RPL3L: variants seen among roughly 807,000 people sequenced by gnomAD.
RPL3L encodes the protein ribosomal protein uL3-like.
A neutral mutation model predicts 44.5 loss-of-function variants in RPL3L; 44 were observed. That is an observed-to-expected ratio of 0.99 (90% CI 0.78 to 1.27). The LOEUF (loss-of-function observed/expected upper bound fraction) is 1.27. Among genes scored for constraint, RPL3L ranks in the 50% most tolerant of loss-of-function variants. The pLI, the probability that RPL3L is intolerant of heterozygous loss-of-function variation, is 0.00. For missense variants in RPL3L, 631 were observed against 569.1 expected, an observed-to-expected ratio of 1.11 and a Z score of -1.11; for synonymous variants, 292 against 230.7, an observed-to-expected ratio of 1.27 and a Z score of -2.41.
At chr16:1,953,891 T>G in intron 2 of RPL3L, 65 bp downstream of exon 2, 1 of 1,401,108 alleles carries the variant, frequency 7.1e-7, no homozygotes, top group Non-Finnish European at 9.4e-7. Context: ...AAGCGTGAGT[T>G]CTGGCTCCGA....
rs769040011 is a variant in RPL3L at position 1,952,940 on chromosome 16, C to CGGAG, written c.295_298dup (p.Arg100ProfsTer14). On this transcript the variant is annotated frameshift_variant, in exon 3 of 10. Transcript: ENST00000268661. LOFTEE classifies it high-confidence loss of function. ...TTCTGCAAAGATGGTCTTGAAGCTC[C>CGGAG]GGAGACCTCGAGGGGTGGCCACGTA... The CGGAG allele has an allele frequency of 6.2e-7, 1 of 1,613,984 alleles. No individual in the cohort carries two copies. The highest frequency in any genetic ancestry group is 1.1e-5 in the South Asian group (1 of 91,074).
chr16:1,954,645 T>G lies in RPL3L; in HGVS notation c.-14A>C. The G allele has an allele frequency of 1.3e-6, 2 of 1,534,076 alleles. No individual in the cohort carries two copies. Among genetic ancestry groups the G allele is most frequent in the Non-Finnish European group, 1.8e-6 (2 of 1,138,758 alleles). The stretch of plus-strand genomic sequence containing the variant: ...CCCACCAACCATGGTGGCCGATCCC[T>G]GAAGGTCAGGAAGGGGCCTCGCCGC... On this transcript the variant is annotated 5_prime_UTR_variant, in exon 1 of 10. Coordinates refer to ENST00000268661, the MANE Select transcript of RPL3L (RefSeq NM_005061.3).
chr16:1,948,060 C>T (rs1415399819), intron 4 of RPL3L, among the ~76,000 whole-genome samples: 1 of 151,108 alleles, frequency 6.6e-6, no homozygotes, highest in African/African-American at 2.4e-5. Flanking sequence ...GCCTCAGCCT[C>T]CTGAGTAGCT....
In RPL3L at chr16:1,945,501, T is replaced by A; in HGVS notation, c.1165A>T (p.Met389Leu). The change falls in exon 9 of 10, where the codon ATG (methionine) becomes TTG (leucine). Residue 389 changes from methionine to leucine, a missense_variant and splice_region_variant. Transcript: ENST00000268661. ...AAGGATGGGGGCGGTGAGCTCACCA[T>A]GAAGGCCCTCTTCTCTTGGGCTGTC... ...FQTAQEKRAF[M>L]GPQKKHLEKE... is the part of the protein sequence containing the mutation. 8.1e-6 allele frequency: 13 copies of A among 1,611,052 alleles called. No individual in the cohort carries two copies. Among genetic ancestry groups the A allele is most frequent in the Non-Finnish European group, 1.1e-5 (13 of 1,178,726 alleles).
At chr16:1,949,459 G>T (rs1192112248) in intron 4 of RPL3L, among the ~76,000 whole-genome samples, 2 of 150,520 alleles carry the variant, frequency 1.3e-5, no homozygotes, top group Non-Finnish European at 3.0e-5. Context: ...TGCCATGTTG[G>T]CCAGGCTGGT....
In RPL3L at chr16:1,954,119, G is replaced by A. The variant is rs778690877; in HGVS notation, c.33C>T (p.His11=). 1.6e-5 allele frequency: 26 copies of A among 1,595,314 alleles called. No homozygotes were observed. The highest frequency in any genetic ancestry group is 3.3e-4 in the Middle Eastern group (2 of 6,026). MSHRKFSAPR[H]GHLGFLPHKR... ...TATGGGGCAGGAAGCCCAGGTGTCC[G>A]TGCCGAGGGGCGGAAAACTTCCGGT... Residue 11 remains histidine, a synonymous_variant, in exon 2 of 10, where the codon CAC becomes CAT. Coordinates refer to ENST00000268661, the MANE Select transcript of RPL3L (RefSeq NM_005061.3).
intron 4 of RPL3L, among the ~76,000 whole-genome samples, chr16:1,949,244 G>T (rs868838961): frequency 0.063 from 5,100 of 80,330 alleles, 291 homozygotes; most frequent in African/African-American, 0.18. Flanking sequence ...CCTGATTTTT[G>T]TTTTTTTTTT....
rs762052681 is a variant in RPL3L, at chr16:1,947,100, TGTGA to T, written c.689-6_689-3del. 14 of 1,613,334 alleles carry T rather than the reference TGTGA, an allele frequency of 8.7e-6. No individual in the cohort carries two copies. Among genetic ancestry groups the T allele is most frequent in the South Asian group, 5.5e-5 (5 of 91,092 alleles). ...TGGTATGCCAGCGGCTTGTGACCCC[TGTGA>T]GTGAGAGGGGCTGGTGGCTGAGAGG... is the stretch of plus-strand genomic sequence containing the variant. On this transcript the variant is annotated splice_polypyrimidine_tract_variant and splice_region_variant and intron_variant, in intron 5 of 9. Transcript: ENST00000268661.
At chr16:1,952,325 C>T (rs970024166) in intron 3 of RPL3L, among the ~76,000 whole-genome samples, 1 of 151,818 alleles carries the variant, frequency 6.6e-6, no homozygotes, top group African/African-American at 2.4e-5. Flanking sequence ...TCCTCTTTTT[C>T]CTCCATCCTG....
At position 1,950,865 on chromosome 16, in the gene RPL3L, A is replaced by C. The variant is rs770326098; in HGVS notation, c.480T>G (p.Ile160Met). ...FAAMKKYCKV[I>M]RVIVHTQMKL... is the part of the protein sequence containing the mutation. ...TGACCTGAGTGTGGACAATGACCCG[A>C]ATGACCTTGCAGTACTTCTTCATGG... is the stretch of plus-strand genomic sequence containing the variant. The change falls in exon 4 of 10, where the codon ATT (isoleucine) becomes ATG (methionine). Residue 160 changes from isoleucine to methionine, a missense_variant. Transcript: ENST00000268661. 8.1e-6 allele frequency: 13 copies of C among 1,614,012 alleles called. No individual in the cohort carries two copies. In the East Asian group the frequency reaches 8.9e-5, roughly 11 times the overall value.
chr16:1,946,768 T>G, intron 6 of RPL3L, 42 bp from the exon 7 acceptor site: 1 of 1,605,412 alleles, frequency 6.2e-7, no homozygotes, highest in South Asian at 1.1e-5. Flanking sequence ...AAGTGGCCTC[T>G]GAGGCCAGCA....
At chr16:1,951,099 CA>C in intron 3 of RPL3L, 120 bp from the exon 4 acceptor site, 1 of 1,331,110 alleles carries the variant, frequency 7.5e-7, no homozygotes, top group African/African-American at 1.5e-5. Flanking sequence ...GACCGCCCCC[CA>C]CCCGGAGGCC....
At chr16:1,948,336 G>A (rs540527359) in intron 4 of RPL3L, among the ~76,000 whole-genome samples, 202 of 151,922 alleles carry the variant, frequency 1.3e-3, no homozygotes, top group Non-Finnish European at 2.2e-3. Flanking sequence ...TGATTCTCCT[G>A]CCTCAGCTTC....
At chr16:1,946,553 G>C in intron 7 of RPL3L, 72 bp downstream of exon 7, 4 of 1,505,434 alleles carry the variant, frequency 2.7e-6, no homozygotes, top group Non-Finnish European at 3.7e-6. Context: ...CAGGCCCCCC[G>C]GCCAGCCTGA....
In RPL3L at chr16:1,951,180, T is replaced by C. The variant is rs117229479; in HGVS notation, c.366-201A>G. Among the ~76,000 whole-genome samples the C allele has an allele frequency of 2.5e-3, 388 of 152,160 alleles. 10 individuals are homozygous for C. In the East Asian group the frequency reaches 0.069, roughly 27 times the overall value. ...CCCCCTCTAGGCCCCGGTTTCCTCC[T>C]CTGTAAAGTAGGTACCCTCCCTGTT... On this transcript the variant is annotated intron_variant, in intron 3 of 9. Transcript: ENST00000268661.
chr16:1,953,622 G>A (rs940118948), intron 2 of RPL3L, among the ~76,000 whole-genome samples: 4 of 152,182 alleles, frequency 2.6e-5, no homozygotes, highest in East Asian at 3.9e-4. Flanking sequence ...AAATAGACCC[G>A]AAATGGCCAA....
chr16:1,954,292 G>A, intron 1 of RPL3L, 144 bp from the exon 2 acceptor site: 5 of 966,948 alleles, frequency 5.2e-6, no homozygotes, highest in Non-Finnish European at 7.4e-6. Flanking sequence ...GCCTACAGGA[G>A]GGGAGAGGAA....
rs143544112 is a variant in RPL3L, at chr16:1,950,864, G to A, written c.481C>T (p.Arg161Trp). 5.6e-5 allele frequency: 91 copies of A among 1,614,054 alleles called. No homozygotes were observed. The highest frequency in any genetic ancestry group is 6.9e-5 in the Non-Finnish European group (81 of 1,179,968). Residue 161 changes from arginine (R) to tryptophan (W), a missense_variant, in exon 4 of 10, where the codon CGG becomes TGG. Arg to Trp is a moderately radical substitution (Grantham distance 101, BLOSUM62 -3). Transcript: ENST00000268661. Reference sequence around the variant, plus strand: ...CTGACCTGAGTGTGGACAATGACCCGAATGACCTTGCAGTACTTCTTCATG... The same window carrying A: ...CTGACCTGAGTGTGGACAATGACCCAAATGACCTTGCAGTACTTCTTCATG... Reference protein sequence around the residue: ...AAMKKYCKVIRVIVHTQMKLL... With the variant: ...AAMKKYCKVIWVIVHTQMKLL...
chr16:1,946,589 G>A (rs752312797), intron 7 of RPL3L, 36 bp downstream of exon 7: 29 of 1,596,400 alleles, frequency 1.8e-5, no homozygotes, highest in Non-Finnish European at 2.4e-5. Context: ...CATCAGCGGT[G>A]TGATGGGCCT....
Sources: allele counts gnomAD v4.1 joint callset (sites outside exome capture counted in the v4.1 genomes callset), GRCh38; gene constraint gnomAD v4.1.1; transcripts MANE v1.5; gene names NCBI Gene and HGNC (gene_info 2026-07-23, HGNC 2026-07-21).